DLG2: variants seen among roughly 807,000 people sequenced by gnomAD.
DLG2 encodes the protein discs large MAGUK scaffold protein 2.
Under a neutral mutation model 132.5 loss-of-function variants are expected in DLG2, and 45 were observed. That is an observed-to-expected ratio of 0.34 (90% CI 0.27 to 0.44). The LOEUF is 0.44. Ranked by LOEUF, DLG2 falls within the 20% of genes least tolerant of loss-of-function variation. The pLI, the probability that DLG2 is intolerant of heterozygous loss-of-function variation, is 1.00. For synonymous variants in DLG2, 424 were observed against 419.6 expected, an observed-to-expected ratio of 1.01 and a Z score of -0.13; for missense variants, 1,045 against 1,196.9, an observed-to-expected ratio of 0.87 and a Z score of 1.87.
chr11:83,929,926 T>TATA (rs2079827082), intron 15 of DLG2, among the ~76,000 whole-genome samples: 2 of 152,236 alleles, frequency 1.3e-5, no homozygotes, highest in African/African-American at 4.8e-5. Context: ...TCTTAGGCCA[T>TATA]GTTATGCCTG....
At chr11:84,836,959 A>C (rs1218952784) in intron 6 of DLG2, among the ~76,000 whole-genome samples, 1 of 151,808 alleles carries the variant, frequency 6.6e-6, no homozygotes, top group Non-Finnish European at 1.5e-5. Context: ...TGCTGCACCC[A>C]TTAACTCGTC....
chr11:84,210,256 C>A (rs1365769178), intron 8 of DLG2, among the ~76,000 whole-genome samples: 2 of 151,508 alleles, frequency 1.3e-5, no homozygotes, highest in Non-Finnish European at 2.9e-5. Flanking sequence ...GCACTCTAGC[C>A]TGGGTGACAG....
intron 7 of DLG2, among the ~76,000 whole-genome samples, chr11:84,526,212 C>A (rs1381635625): frequency 6.6e-6 from 1 of 152,146 alleles, no homozygotes; most frequent in Non-Finnish European, 1.5e-5. Flanking sequence ...AGTAAAGGCT[C>A]TGAGAAATCC....
intron 18 of DLG2, 114 bp downstream of exon 18, chr11:83,786,576 T>C: frequency 1.7e-5 from 15 of 889,550 alleles, no homozygotes; most frequent in East Asian, 5.3e-5. Context: ...TCACTATAGG[T>C]AGGTTTACAA....
At chr11:83,791,519 T>C in intron 17 of DLG2, 1 of 612,862 alleles carries the variant, frequency 1.6e-6, no homozygotes, top group Non-Finnish European at 3.0e-6. Flanking sequence ...AATCAGTTTA[T>C]TTTTTACTTT....
chr11:83,507,862 C>T (rs2094811434), intron 21 of DLG2, among the ~76,000 whole-genome samples: 1 of 145,844 alleles, frequency 6.9e-6, no homozygotes, highest in Non-Finnish European at 1.5e-5. Flanking sequence ...AGGCCATCTG[C>T]AAGCTGAGGA....
intron 2 of DLG2, among the ~76,000 whole-genome samples, chr11:85,614,209 A>G (rs2081192121): frequency 6.6e-6 from 1 of 152,238 alleles, no homozygotes; most frequent in Non-Finnish European, 1.5e-5. Flanking sequence ...AAGTATTCAC[A>G]TATGCTTAAT....
At chr11:84,532,457 G>T in intron 7 of DLG2, among the ~76,000 whole-genome samples, 1 of 152,096 alleles carries the variant, frequency 6.6e-6, no homozygotes, top group Non-Finnish European at 1.5e-5. Context: ...AGGAGGAAAG[G>T]TTGGGAAGGG....
chr11:84,052,380 C>T (rs768698084), intron 11 of DLG2, among the ~76,000 whole-genome samples: 14 of 151,652 alleles, frequency 9.2e-5, no homozygotes, highest in Non-Finnish European at 1.5e-4. Flanking sequence ...AATAAATAGT[C>T]AATTCATTAA....
chr11:84,777,295 A>G (rs1486855874), intron 6 of DLG2, among the ~76,000 whole-genome samples: 2,441 of 60,148 alleles, frequency 0.041, 90 homozygotes, highest in African/African-American at 0.081. Context: ...ATATATATAT[A>G]TATATATATA....
chr11:85,140,021 T>C (rs2076365391), intron 5 of DLG2, among the ~76,000 whole-genome samples: 1 of 152,044 alleles, frequency 6.6e-6, no homozygotes, highest in South Asian at 2.1e-4. Flanking sequence ...AGCTGAATAT[T>C]ATTCCATATT....
At chr11:83,519,189 G>A (rs111285423) in intron 21 of DLG2, among the ~76,000 whole-genome samples, 6,969 of 152,244 alleles carry the variant, frequency 0.046, 554 homozygotes, top group African/African-American at 0.16. Context: ...GTTCTGCAGC[G>A]GGGTGTACTG....
In DLG2 at chr11:84,372,412, C is replaced by T. The variant is rs75145021; in HGVS notation, c.520-121121G>A. Among the ~76,000 whole-genome samples the T allele has an allele frequency of 2.9e-3, 448 of 152,128 alleles. 14 individuals are homozygous for T. In the East Asian group the frequency reaches 0.067, roughly 23 times the overall value. ...AAAGCTGTGATGATTTGCCATCACA[C>T]GAAATTTGTATTTAATAAATAAAGA... On this transcript the variant is annotated intron_variant, in intron 7 of 27. Transcript: ENST00000376104.
chr11:84,132,002 C>A (rs971331771), intron 9 of DLG2, among the ~76,000 whole-genome samples: 3 of 151,234 alleles, frequency 2.0e-5, no homozygotes, highest in African/African-American at 7.3e-5. Context: ...CACAAATAAA[C>A]AAAAGCACAA....
chr11:84,583,756 A>G (rs1592934005), intron 6 of DLG2, among the ~76,000 whole-genome samples: 1 of 152,144 alleles, frequency 6.6e-6, no homozygotes, highest in African/African-American at 2.4e-5. Context: ...AATCTACCCC[A>G]AAATATTAAT....
intron 6 of DLG2, among the ~76,000 whole-genome samples, chr11:84,979,424 T>G (rs932788520): frequency 6.6e-6 from 1 of 152,144 alleles, no homozygotes; most frequent in Non-Finnish European, 1.5e-5. Flanking sequence ...CCATCAATGA[T>G]AGACTGGATT....
intron 6 of DLG2, among the ~76,000 whole-genome samples, chr11:84,576,184 AC>A (rs1235416854): frequency 6.6e-6 from 1 of 152,192 alleles, no homozygotes; most frequent in African/African-American, 2.4e-5. Context: ...AATACAATTC[AC>A]TTTTTCAATA....
chr11:85,596,912 T>A (rs1309352874), intron 3 of DLG2, among the ~76,000 whole-genome samples: 1 of 152,232 alleles, frequency 6.6e-6, no homozygotes, highest in African/African-American at 2.4e-5. Context: ...TTTTGTTGTA[T>A]AATGTTGCTC....
At chr11:85,403,885 C>A (rs2088453851) in intron 3 of DLG2, among the ~76,000 whole-genome samples, 1 of 151,938 alleles carries the variant, frequency 6.6e-6, no homozygotes, top group African/African-American at 2.4e-5. Context: ...ATAGTGAAGA[C>A]AGAGAGCTAG....
Sources: gnomAD v4.1 joint callset for allele counts (sites outside exome capture counted in the v4.1 genomes callset) on GRCh38, gnomAD v4.1.1 for gene constraint, MANE v1.5 for transcripts, NCBI Gene and HGNC (gene_info 2026-07-23, HGNC 2026-07-21) for gene names.